The following FAM184A variants were observed in gnomAD, a reference collection of about 807,000 sequenced individuals.
The protein encoded by FAM184A is family with sequence similarity 184 member A.
FAM184A carries 99 observed loss-of-function variants against 143.8 expected under a neutral mutation model. That is an observed-to-expected ratio of 0.69 (90% CI 0.58 to 0.81). FAM184A has a LOEUF of 0.81. Ranked by LOEUF, FAM184A falls within the 40% of genes least tolerant of loss-of-function variation. The pLI, the probability that FAM184A is intolerant of heterozygous loss-of-function variation, is 0.00. For synonymous variants in FAM184A, 427 were observed against 446.4 expected (o/e 0.96, Z 0.55); for missense variants, 1,217 against 1,310.5 (o/e 0.93, Z 1.10).
chr6:119,124,087 T>A (rs1239098890), intron 1 of FAM184A, among the ~76,000 whole-genome samples: 1 of 152,238 alleles, frequency 6.6e-6, no homozygotes, highest in African/African-American at 2.4e-5. Context: ...TATTCTTTTT[T>A]TAAATTTAAA....
At chr6:119,011,113 G>A in intron 6 of FAM184A, 196 bp downstream of exon 6, 1 of 486,864 alleles carries the variant, frequency 2.1e-6, no homozygotes, top group Non-Finnish European at 3.5e-6. Context: ...TTAGTTTAAT[G>A]TTTTTGACAG....
chr6:119,032,584 G>GAGGAGAAGAGC (rs1381303873), intron 1 of FAM184A, among the ~76,000 whole-genome samples: 2 of 135,824 alleles, frequency 1.5e-5, no homozygotes, highest in African/African-American at 2.8e-5. Context: ...GGAGGAAGAG[G>GAGGAGAAGAGC]AGGAGAAGAG....
At chr6:118,980,094 T>G in intron 10 of FAM184A, 44 bp downstream of exon 10, 1 of 1,538,454 alleles carries the variant, frequency 6.5e-7, no homozygotes, top group Non-Finnish European at 8.9e-7. Context: ...TAATTATTAT[T>G]AGGCAGTTGG....
At chr6:119,121,980 G>A (rs958116307) in intron 1 of FAM184A, among the ~76,000 whole-genome samples, 1 of 152,016 alleles carries the variant, frequency 6.6e-6, no homozygotes, top group African/African-American at 2.4e-5. Flanking sequence ...TGTTGGCCAG[G>A]GTGGTCTCAA....
Position 119,006,587 on chromosome 6 carries a change from C to A in FAM184A, c.1675G>T (p.Val559Leu), listed in dbSNP as rs1362627654. 1.2e-6 allele frequency: 2 copies of A among 1,612,432 alleles called. No individual in the cohort carries two copies. The change falls in exon 7 of 18, where the codon GTA becomes TTA. Residue 559 changes from valine to leucine, a missense_variant. Val to Leu is a conservative substitution (Grantham distance 32). Transcript: ENST00000338891. ...NQEIGHLQDM[V>L]RKSEQGLGSA... ...CCAAGACCTTGTTCACTTTTCCTTA[C>A]CATATCTTGGAGGTGGCCAATCTGT...
At chr6:119,091,743 G>A (rs146823580) in intron 1 of FAM184A, among the ~76,000 whole-genome samples, 2,115 of 152,304 alleles carry the variant, frequency 0.014, 21 homozygotes, top group Non-Finnish European at 0.023. Flanking sequence ...ATGAGGGATC[G>A]GATGCAATCA....
chr6:118,983,984 A>C (rs1784099600), intron 9 of FAM184A, among the ~76,000 whole-genome samples: 1 of 150,706 alleles, frequency 6.6e-6, no homozygotes, highest in Non-Finnish European at 1.5e-5. Flanking sequence ...CCCTGTCTCT[A>C]CTAAAAATAC....
At chr6:118,999,802 C>T (rs1267046624) in intron 9 of FAM184A, among the ~76,000 whole-genome samples, 1 of 152,120 alleles carries the variant, frequency 6.6e-6, no homozygotes, top group African/African-American at 2.4e-5. Flanking sequence ...ACATGATGTC[C>T]CCCAATGTGG....
At chr6:118,997,411 C>T (rs551206859) in intron 9 of FAM184A, among the ~76,000 whole-genome samples, 5 of 151,224 alleles carry the variant, frequency 3.3e-5, no homozygotes, top group South Asian at 4.2e-4. Context: ...GAATAGCAGC[C>T]GGGCGCAGTG....
At chr6:119,042,887 T>C (rs1305721278) in intron 1 of FAM184A, among the ~76,000 whole-genome samples, 2 of 152,214 alleles carry the variant, frequency 1.3e-5, no homozygotes, top group Non-Finnish European at 2.9e-5. Context: ...TCAACTTTGC[T>C]GTGAAACTAA....
intron 1 of FAM184A, among the ~76,000 whole-genome samples, chr6:119,100,338 T>C (rs1292777532): frequency 3.3e-5 from 5 of 152,166 alleles, no homozygotes; most frequent in African/African-American, 9.7e-5. Flanking sequence ...ACTATCACTA[T>C]GGACACTCTG....
chr6:119,111,862 C>A (rs549584901), intron 1 of FAM184A, among the ~76,000 whole-genome samples: 6 of 152,282 alleles, frequency 3.9e-5, no homozygotes, highest in Admixed American at 3.3e-4. Context: ...TGAATATTTT[C>A]ATTAAAGAAA....
At chr6:119,013,615 C>T (rs150659256) in intron 5 of FAM184A, among the ~76,000 whole-genome samples, 4 of 152,284 alleles carry the variant, frequency 2.6e-5, no homozygotes, top group African/African-American at 7.2e-5. Flanking sequence ...TGACCTGGCA[C>T]AGAGAATACT....
At chr6:119,120,622 C>T (rs9489597) in intron 1 of FAM184A, among the ~76,000 whole-genome samples, 5,743 of 152,198 alleles carry the variant, frequency 0.038, 279 homozygotes, top group African/African-American at 0.12. Context: ...CCGCTAACAA[C>T]GTATGAGGGT....
chr6:119,029,658 A>G (rs547801567), intron 1 of FAM184A, among the ~76,000 whole-genome samples: 5 of 152,202 alleles, frequency 3.3e-5, no homozygotes, highest in Non-Finnish European at 7.4e-5. Flanking sequence ...AAATGTACAA[A>G]TTAAAGCATT....
At chr6:119,073,731 T>C (rs1038999952) in intron 1 of FAM184A, among the ~76,000 whole-genome samples, 2 of 152,182 alleles carry the variant, frequency 1.3e-5, no homozygotes, top group African/African-American at 4.8e-5. Flanking sequence ...CTCAAGCACT[T>C]TGAAGAACAT....
chr6:118,982,234 A>G (rs1451088175), intron 9 of FAM184A, among the ~76,000 whole-genome samples: 1 of 152,110 alleles, frequency 6.6e-6, no homozygotes. Flanking sequence ...ACAAAAATAG[A>G]CATTTGTGAA....
In FAM184A at chr6:118,960,028, C is replaced by T. The variant is rs1783268049; in HGVS notation, c.*75G>A. On this transcript the variant is annotated 3_prime_UTR_variant, in exon 18 of 18. Coordinates refer to ENST00000338891, the MANE Select transcript of FAM184A (RefSeq NM_024581.6). The stretch of plus-strand genomic sequence containing the variant: ...ATTCACAGTGTTTGACATAGGAAAG[C>T]CTATTTACATAACAATCTGTATAAA... The T allele has an allele frequency of 2.6e-6, 3 of 1,161,010 alleles. 1 individual carries two copies. The highest frequency in any genetic ancestry group is 3.0e-5 in the South Asian group (2 of 67,130). 71.9% of individuals were successfully genotyped at this position (1,161,010 alleles called of 1,614,324 possible).
At chr6:118,970,008 A>ATATATATATTTTT in intron 14 of FAM184A, among the ~76,000 whole-genome samples, 8 of 19,036 alleles carry the variant, frequency 4.2e-4, no homozygotes, top group African/African-American at 1.2e-3. Context: ...ATATATATAT[A>ATATATATATTTTT]TTTTTTTTTT....
Sources: gnomAD v4.1 joint callset for allele counts (sites outside exome capture counted in the v4.1 genomes callset) on GRCh38, gnomAD v4.1.1 for gene constraint, MANE v1.5 for transcripts, NCBI Gene and HGNC (gene_info 2026-07-23, HGNC 2026-07-21) for gene names.